Variants in BCAR3 observed in about 807,000 individuals in gnomAD.
BCAR3 encodes the protein breast cancer anti-estrogen resistance protein 3.
BCAR3 carries 37 observed loss-of-function variants against 80.1 expected under a neutral mutation model. That is an observed-to-expected ratio of 0.46 (90% CI 0.36 to 0.61). The LOEUF (loss-of-function observed/expected upper bound fraction) is 0.61. BCAR3 is among the 20% of genes least tolerant of loss of function. The pLI is 0.00. For missense variants in BCAR3, 978 were observed against 1,068.2 expected, an observed-to-expected ratio of 0.92 and a Z score of 1.18; for synonymous variants, 389 against 418.9, an observed-to-expected ratio of 0.93 and a Z score of 0.87.
chr1:93,702,237 A>C (rs1056816661), intron 3 of BCAR3, among the ~76,000 whole-genome samples: 10 of 152,134 alleles, frequency 6.6e-5, no homozygotes, highest in African/African-American at 2.4e-4. Flanking sequence ...ACCCATTCTG[A>C]GAATCAGGTC....
intron 1 of BCAR3, among the ~76,000 whole-genome samples, chr1:93,680,700 T>C (rs947571835): frequency 1.3e-5 from 2 of 152,190 alleles, no homozygotes; most frequent in African/African-American, 2.4e-5. Context: ...AAAACAGATA[T>C]GAGGTTAGGA....
intron 2 of BCAR3, among the ~76,000 whole-genome samples, chr1:93,801,233 GATC>G (rs1653466586): frequency 6.6e-6 from 1 of 152,178 alleles, no homozygotes. Context: ...CCTCTGTTTA[GATC>G]AGGTAAACTG....
At chr1:93,774,880 G>A (rs61781056) in intron 2 of BCAR3, among the ~76,000 whole-genome samples, 14,128 of 152,248 alleles carry the variant, frequency 0.093, 776 homozygotes, top group African/African-American at 0.14. Flanking sequence ...TCTGGCAAGA[G>A]ATGTCTTGTA....
chr1:93,799,634 T>A (rs1304784973), intron 2 of BCAR3, among the ~76,000 whole-genome samples: 2 of 152,224 alleles, frequency 1.3e-5, no homozygotes, highest in African/African-American at 4.8e-5. Flanking sequence ...TTCAGCTAAT[T>A]GTTCCAGCAA....
At chr1:93,568,373 C>G (rs950828210) in intron 9 of BCAR3, among the ~76,000 whole-genome samples, 1 of 152,092 alleles carries the variant, frequency 6.6e-6, no homozygotes, top group African/African-American at 2.4e-5. Context: ...ACTGCTTGTG[C>G]GTGTGTGTTT....
intron 2 of BCAR3, chr1:93,720,411 G>C (rs1419724356): frequency 6.6e-6 from 1 of 152,402 alleles, no homozygotes; most frequent in South Asian, 2.1e-4. Context: ...GTGCTCTTGG[G>C]CAAAACAGGA....
intron 3 of BCAR3, among the ~76,000 whole-genome samples, chr1:93,625,844 C>G (rs1409196596): frequency 6.6e-6 from 1 of 152,154 alleles, no homozygotes; most frequent in African/African-American, 2.4e-5. Flanking sequence ...GGAGCCAAGG[C>G]TGCAGCAATT....
chr1:93,706,525 C>T (rs1007168603), intron 2 of BCAR3, among the ~76,000 whole-genome samples: 3 of 152,136 alleles, frequency 2.0e-5, no homozygotes, highest in Admixed American at 1.3e-4. Context: ...ACAGCACAGA[C>T]TCTGGAGCCA....
At chr1:93,646,252 G>C (rs969845457) in intron 2 of BCAR3, among the ~76,000 whole-genome samples, 1 of 152,052 alleles carries the variant, frequency 6.6e-6, no homozygotes, top group Non-Finnish European at 1.5e-5. Context: ...TCTTAAATTG[G>C]AAATTACCCA....
intron 3 of BCAR3, 29 bp downstream of exon 3, chr1:93,642,275 C>T (rs369788353): frequency 2.8e-5 from 45 of 1,609,598 alleles, no homozygotes; most frequent in Middle Eastern, 1.7e-4. Context: ...CCCAGGGTCA[C>T]GGCTACATGT....
At chr1:93,845,138 G>C (rs2391315) in intron 2 of BCAR3, among the ~76,000 whole-genome samples, 72,751 of 151,314 alleles carry the variant, frequency 0.48, 17,670 homozygotes, top group South Asian at 0.6. Flanking sequence ...TTTTATATAC[G>C]CATCTCAACT....
In BCAR3 at chr1:93,716,064, T is replaced by G. The variant is rs776555540; in HGVS notation, c.-62-9922A>C. Among the ~76,000 whole-genome samples the G allele has an allele frequency of 4.6e-5, 7 of 152,164 alleles. No homozygotes were observed. In the South Asian group the frequency reaches 1.4e-3, roughly 32 times the overall value. On this transcript the variant is annotated intron_variant, in intron 2 of 13. Transcript: ENST00000370244. ...GGTGTTGGAAGGGCCCAGAACAGTTTGCAGGAGTGAGAGTGCAAGATGCCA... is the reference window on the plus strand; with the variant it reads ...GGTGTTGGAAGGGCCCAGAACAGTTGGCAGGAGTGAGAGTGCAAGATGCCA...
intron 9 of BCAR3, among the ~76,000 whole-genome samples, chr1:93,570,632 C>T (rs1037594657): frequency 1.3e-5 from 2 of 152,206 alleles, no homozygotes; most frequent in East Asian, 1.9e-4. Context: ...GGAATCCGAA[C>T]TTTTTAATAG....
upstream of BCAR3, among the ~76,000 whole-genome samples, chr1:93,685,543 T>C (rs1253298767): frequency 6.6e-6 from 1 of 152,218 alleles, no homozygotes. Context: ...TTTGAAGAGA[T>C]GAACCATAAT....
chr1:93,701,554 A>G (rs898070750), intron 3 of BCAR3, among the ~76,000 whole-genome samples: 1 of 152,242 alleles, frequency 6.6e-6, no homozygotes, highest in Non-Finnish European at 1.5e-5. Flanking sequence ...GCATTTATAA[A>G]AAGTGGAAAC....
intron 2 of BCAR3, among the ~76,000 whole-genome samples, chr1:93,720,454 T>C (rs1259969321): frequency 6.6e-6 from 1 of 152,216 alleles, no homozygotes. Context: ...TCACTGCTGA[T>C]ACAGGGGCCT....
intron 2 of BCAR3, among the ~76,000 whole-genome samples, chr1:93,829,182 G>A (rs1654475187): frequency 6.6e-6 from 1 of 152,108 alleles, no homozygotes; most frequent in Non-Finnish European, 1.5e-5. Context: ...ATTTACTTAG[G>A]GCTCAGGGGA....
chr1:93,759,127 G>C (rs1651847085), intron 2 of BCAR3, among the ~76,000 whole-genome samples: 1 of 152,152 alleles, frequency 6.6e-6, no homozygotes, highest in Non-Finnish European at 1.5e-5. Flanking sequence ...CTGCGGCACA[G>C]TTAGCCGGCC....
chr1:93,738,769 G>A (rs990705923), intron 2 of BCAR3, among the ~76,000 whole-genome samples: 3 of 152,136 alleles, frequency 2.0e-5, no homozygotes, highest in African/African-American at 7.2e-5. Flanking sequence ...TGGGGCGGGG[G>A]GTGCCAGGGT....
Sources: allele counts gnomAD v4.1 joint callset (sites outside exome capture counted in the v4.1 genomes callset), GRCh38; gene constraint gnomAD v4.1.1; transcripts MANE v1.5; gene names NCBI Gene and HGNC (gene_info 2026-07-23, HGNC 2026-07-21).